MRPS27: variants seen among roughly 807,000 people sequenced by gnomAD.
MRPS27 encodes mitochondrial ribosomal protein S27.
A neutral mutation model predicts 48.9 loss-of-function variants in MRPS27; 43 were observed. The ratio of observed to expected loss-of-function variants is 0.88; its 90% CI spans 0.69 to 1.13. The LOEUF is 1.13. MRPS27 is among the 50% of genes most tolerant of loss of function. MRPS27 has a pLI of 0.00. For synonymous variants in MRPS27, 188 were observed against 171.9 expected (o/e 1.09, Z -0.73); for missense variants, 467 against 476.3 (o/e 0.98, Z 0.18).
At chr5:72,300,866 T>C (rs1392386057) in intron 2 of MRPS27, among the ~76,000 whole-genome samples, 1 of 152,228 alleles carries the variant, frequency 6.6e-6, no homozygotes, top group Non-Finnish European at 1.5e-5. Context: ...AATGCTAATC[T>C]GTGTTGTTTT....
At chr5:72,260,616 T>C (rs1748938840) in intron 4 of MRPS27, among the ~76,000 whole-genome samples, 1 of 152,194 alleles carries the variant, frequency 6.6e-6, no homozygotes, top group South Asian at 2.1e-4. Context: ...TCTGTTTTTC[T>C]TTTTGTGCTA....
intron 4 of MRPS27, among the ~76,000 whole-genome samples, chr5:72,243,202 G>A (rs6867098): frequency 0.056 from 8,468 of 152,214 alleles, 760 homozygotes; most frequent in African/African-American, 0.19. Context: ...TGTGGACTGA[G>A]GATCTTACCA....
intron 4 of MRPS27, among the ~76,000 whole-genome samples, chr5:72,263,117 G>C (rs914635831): frequency 6.6e-6 from 1 of 152,184 alleles, no homozygotes; most frequent in Non-Finnish European, 1.5e-5. Flanking sequence ...ACTCTGGTTT[G>C]CAATGTCTAG....
At chr5:72,270,246 C>T (rs1429919873) in intron 4 of MRPS27, among the ~76,000 whole-genome samples, 1 of 146,810 alleles carries the variant, frequency 6.8e-6, no homozygotes, top group East Asian at 2.0e-4. Context: ...ATTAAAATGC[C>T]TACATAGCAA....
rs1179656728 is a variant in MRPS27 at position 72,219,748 on chromosome 5, A to T, written c.*1161T>A. 1 of 152,206 alleles carries T rather than the reference A, an allele frequency of 6.6e-6. No individual in the cohort carries two copies. Among genetic ancestry groups the T allele is most frequent in the Non-Finnish European group, 1.5e-5 (1 of 68,048 alleles). 9.4% of individuals were successfully genotyped at this position (152,206 alleles called of 1,614,324 possible). ...AGCCCCAACCCATCTCTCATTTTCT[A>T]ACTTCTTTAACAGAAATGTGTGTTC... On this transcript the variant is annotated 3_prime_UTR_variant, in exon 11 of 11. Transcript: ENST00000261413.
At chr5:72,229,338 G>A (rs555105815) in intron 7 of MRPS27, 33 of 152,196 alleles carry the variant, frequency 2.2e-4, no homozygotes, top group African/African-American at 7.9e-4. Context: ...CTGTAAGTAG[G>A]CTTTGTGCAA....
rs201171614 is a variant in MRPS27 at position 72,249,492 on chromosome 5, T to C, written c.282-11364A>G. On this transcript the variant is annotated intron_variant, in intron 4 of 10. Coordinates refer to ENST00000261413, the MANE Select transcript of MRPS27 (RefSeq NM_015084.3). ...TGAGGTCAGGAGTTCAAGACCAGCC[T>C]GGCCAAAATGGTGAAACCCCGTCTC... 3.3e-5 allele frequency among the ~76,000 whole-genome samples: 5 copies of C among 151,794 alleles called. No homozygotes were observed. In the East Asian group the frequency reaches 9.7e-4, roughly 30 times the overall value.
At chr5:72,290,143 G>A (rs145866243) in intron 4 of MRPS27, among the ~76,000 whole-genome samples, 46 of 152,210 alleles carry the variant, frequency 3.0e-4, no homozygotes, top group African/African-American at 1.1e-3. Flanking sequence ...CATAGAGCCC[G>A]CCCCAAGGTT....
chr5:72,263,054 A>C (rs571411466), intron 4 of MRPS27, among the ~76,000 whole-genome samples: 1 of 152,328 alleles, frequency 6.6e-6, no homozygotes, highest in Admixed American at 6.5e-5. Context: ...AGCAAAAATG[A>C]AAGTTTTCTC....
chr5:72,318,477 C>T (rs893934081), intron 1 of MRPS27, among the ~76,000 whole-genome samples: 1 of 152,192 alleles, frequency 6.6e-6, no homozygotes, highest in Admixed American at 6.5e-5. Flanking sequence ...GATCATTGCT[C>T]AAGAGTTCTG....
intron 1 of MRPS27, 67 bp from the exon 2 acceptor site, chr5:72,314,225 A>T: frequency 3.5e-6 from 4 of 1,138,736 alleles, no homozygotes; most frequent in Non-Finnish European, 5.2e-6. Flanking sequence ...ATGTTTTATT[A>T]AATATATCTT....
chr5:72,241,954 T>C (rs1748363079), intron 4 of MRPS27, among the ~76,000 whole-genome samples: 1 of 151,962 alleles, frequency 6.6e-6, no homozygotes, highest in Non-Finnish European at 1.5e-5. Flanking sequence ...AACCCAAATA[T>C]CCCCAACAAG....
chr5:72,304,128 T>C (rs545661989), intron 2 of MRPS27, among the ~76,000 whole-genome samples: 4 of 152,110 alleles, frequency 2.6e-5, no homozygotes, highest in East Asian at 3.9e-4. Flanking sequence ...TAAAGGATAG[T>C]AGAGTGTGAT....
chr5:72,275,950 G>A (rs901213676), intron 4 of MRPS27, among the ~76,000 whole-genome samples: 1 of 151,850 alleles, frequency 6.6e-6, no homozygotes, highest in Non-Finnish European at 1.5e-5. Flanking sequence ...TACTGATAAC[G>A]CTTGGTACTG....
chr5:72,295,650 G>A, intron 3 of MRPS27, 61 bp from the exon 4 acceptor site: 2 of 1,307,352 alleles, frequency 1.5e-6, no homozygotes, highest in African/African-American at 1.5e-5. Context: ...TTTGGCCTAG[G>A]GCCTAGATCA....
chr5:72,270,724 T>C (rs1410964746), intron 4 of MRPS27, among the ~76,000 whole-genome samples: 1 of 152,160 alleles, frequency 6.6e-6, no homozygotes, highest in Non-Finnish European at 1.5e-5. Flanking sequence ...TGGAGTCCAG[T>C]CTTACTGACA....
Position 72,220,947 on chromosome 5 carries a change from C to T in MRPS27, c.1207G>A (p.Glu403Lys). ...TTTGCTGCTTTCTGAGCCTGGTACT[C>T]CTGCTTCGCTTGCTCCCTCTGTTGC... ...EQQQREQAKQ[E>K]YQAQKAAKAS... Residue 403 changes from glutamate to lysine, a missense_variant, in exon 11 of 11, where the codon GAG becomes AAG. By Grantham distance (56) the Glu-to-Lys change is moderately conservative. Coordinates refer to ENST00000261413, the MANE Select transcript of MRPS27 (RefSeq NM_015084.3). 15 of 1,614,174 alleles carry T rather than the reference C, an allele frequency of 9.3e-6. No homozygotes were observed. Among genetic ancestry groups the T allele is most frequent in the Non-Finnish European group, 1.3e-5 (15 of 1,180,010 alleles).
intron 2 of MRPS27, among the ~76,000 whole-genome samples, chr5:72,309,304 G>A (rs1031641234): frequency 5.3e-5 from 8 of 151,458 alleles, no homozygotes; most frequent in Admixed American, 1.3e-4. Flanking sequence ...CAGCTCTGTC[G>A]CCCAGGCTGT....
chr5:72,244,499 A>C (rs1748453474), intron 4 of MRPS27, among the ~76,000 whole-genome samples: 1 of 152,198 alleles, frequency 6.6e-6, no homozygotes, highest in Non-Finnish European at 1.5e-5. Context: ...AGTAGGATGC[A>C]TGTCACCACA....
Sources: gnomAD v4.1 joint callset for allele counts (sites outside exome capture counted in the v4.1 genomes callset) on GRCh38, gnomAD v4.1.1 for gene constraint, MANE v1.5 for transcripts, NCBI Gene and HGNC (gene_info 2026-07-23, HGNC 2026-07-21) for gene names.